The following ST6GALNAC3 variants were observed in gnomAD, a reference collection of about 807,000 sequenced individuals.
ST6GALNAC3 encodes the protein ST6 N-acetylgalactosaminide alpha-2,6-sialyltransferase 3.
ST6GALNAC3 carries 25 observed loss-of-function variants against 32.7 expected under a neutral mutation model. The observed-to-expected ratio is 0.76, with a 90% confidence interval of 0.56 to 1.07. The LOEUF (loss-of-function observed/expected upper bound fraction) is 1.07. Ranked by LOEUF, ST6GALNAC3 falls within the 50% of genes least tolerant of loss-of-function variation. ST6GALNAC3 has a pLI of 0.00. For missense variants in ST6GALNAC3, 355 were observed against 382.4 expected, an observed-to-expected ratio of 0.93 and a Z score of 0.60; for synonymous variants, 129 against 133.1, an observed-to-expected ratio of 0.97 and a Z score of 0.21.
intron 1 of ST6GALNAC3, 29 bp from the exon 2 acceptor site, chr1:76,313,776 C>T (rs766410589): frequency 1.2e-6 from 2 of 1,609,354 alleles, no homozygotes; most frequent in African/African-American, 2.7e-5. Flanking sequence ...GTCATTCGTT[C>T]TTCTTTTTGT....
At chr1:76,258,824 A>G (rs1239802177) in intron 1 of ST6GALNAC3, among the ~76,000 whole-genome samples, 2 of 152,192 alleles carry the variant, frequency 1.3e-5, no homozygotes, top group African/African-American at 4.8e-5. Context: ...AGAATGCATC[A>G]TGTAATTGAA....
chr1:76,476,450 C>A (rs1430149646), intron 3 of ST6GALNAC3, among the ~76,000 whole-genome samples: 1 of 152,038 alleles, frequency 6.6e-6, no homozygotes, highest in African/African-American at 2.4e-5. Flanking sequence ...GTGCTTATGC[C>A]AGTAAGTATT....
chr1:76,247,975 G>A (rs1230194339), intron 1 of ST6GALNAC3, among the ~76,000 whole-genome samples: 1 of 149,448 alleles, frequency 6.7e-6, no homozygotes, highest in African/African-American at 2.6e-5. Flanking sequence ...GGAATCTCCT[G>A]ATCTGCGGAT....
intron 3 of ST6GALNAC3, among the ~76,000 whole-genome samples, chr1:76,620,358 G>A (rs1411309194): frequency 1.3e-5 from 2 of 152,068 alleles, no homozygotes; most frequent in Non-Finnish European, 2.9e-5. Context: ...AAAAAGCAGT[G>A]GGGAGTTTAG....
chr1:76,630,450 CT>C lies in ST6GALNAC3; in HGVS notation c.*1645del, dbSNP rs1177251012. 1 of 984,984 alleles carries C rather than the reference CT, an allele frequency of 1.0e-6. No individual in the cohort carries two copies. Among genetic ancestry groups the C allele is most frequent in the Non-Finnish European group, 1.2e-6 (1 of 829,806 alleles). The allele number at this position is 984,984 out of a possible 1,614,324, so 61.0% of individuals were successfully genotyped here. A position where few individuals can be genotyped will look rare whatever the true frequency, so the allele number is the denominator to read the frequency against. On this transcript the variant is annotated 3_prime_UTR_variant, in exon 5 of 5. Coordinates refer to ENST00000328299, the MANE Select transcript of ST6GALNAC3 (RefSeq NM_152996.4). ...TTGAGACAATTCTATTTTTCATATACTCGTTGCTCATTAAATAGTAAAGGGT... is the reference window on the plus strand; with the variant it reads ...TTGAGACAATTCTATTTTTCATATACCGTTGCTCATTAAATAGTAAAGGGT...
chr1:76,551,180 C>T (rs1664606698), intron 3 of ST6GALNAC3, among the ~76,000 whole-genome samples: 1 of 152,038 alleles, frequency 6.6e-6, no homozygotes, highest in African/African-American at 2.4e-5. Flanking sequence ...TCACTTCTAC[C>T]CTTTCTTCTT....
intron 2 of ST6GALNAC3, among the ~76,000 whole-genome samples, chr1:76,349,092 T>TA (rs1422706671): frequency 1.3e-5 from 2 of 152,140 alleles, no homozygotes; most frequent in Admixed American, 6.5e-5. Flanking sequence ...GCCTTAATTT[T>TA]AAAAAAATCA....
At chr1:76,366,603 A>G (rs2101066556) in intron 2 of ST6GALNAC3, among the ~76,000 whole-genome samples, 1 of 152,354 alleles carries the variant, frequency 6.6e-6, no homozygotes, top group East Asian at 1.9e-4. Context: ...ACGATTAAAC[A>G]GAAAGTTCAC....
intron 1 of ST6GALNAC3, among the ~76,000 whole-genome samples, chr1:76,287,448 C>T (rs1232920569): frequency 6.7e-6 from 1 of 150,230 alleles, no homozygotes; most frequent in Admixed American, 6.6e-5. Context: ...GCACAAATCC[C>T]CTCAGAAATG....
intron 3 of ST6GALNAC3, among the ~76,000 whole-genome samples, chr1:76,565,352 G>A (rs779742750): frequency 1.4e-4 from 22 of 152,132 alleles, no homozygotes; most frequent in Admixed American, 7.2e-4. Flanking sequence ...CTACCACTGT[G>A]ATCTCCTCCC....
chr1:76,624,945 C>T (rs548843378), intron 3 of ST6GALNAC3, among the ~76,000 whole-genome samples: 1 of 151,916 alleles, frequency 6.6e-6, no homozygotes, highest in Admixed American at 6.6e-5. Context: ...ATGCATAGAG[C>T]ATGGTACCGC....
chr1:76,544,970 G>A (rs369983707), intron 3 of ST6GALNAC3, among the ~76,000 whole-genome samples: 3 of 152,188 alleles, frequency 2.0e-5, no homozygotes, highest in Non-Finnish European at 4.4e-5. Context: ...TTAGCTGCAT[G>A]AAATCCTCTC....
intron 2 of ST6GALNAC3, among the ~76,000 whole-genome samples, chr1:76,378,410 C>T (rs914561390): frequency 1.3e-5 from 2 of 151,978 alleles, no homozygotes; most frequent in African/African-American, 4.8e-5. Flanking sequence ...GCCTGGAATC[C>T]CAGCACTTTG....
At chr1:76,525,715 C>T (rs1211462233) in intron 3 of ST6GALNAC3, among the ~76,000 whole-genome samples, 5 of 144,196 alleles carry the variant, frequency 3.5e-5, no homozygotes, top group Admixed American at 2.9e-4. Context: ...CATTAAACAA[C>T]TATATATATG....
At chr1:76,608,326 A>T (rs899105206) in intron 3 of ST6GALNAC3, among the ~76,000 whole-genome samples, 3 of 152,226 alleles carry the variant, frequency 2.0e-5, no homozygotes, top group African/African-American at 7.2e-5. Flanking sequence ...TATGACAAGT[A>T]TTACCCTAGA....
chr1:76,135,218 C>G (rs919860217), intron 1 of ST6GALNAC3, among the ~76,000 whole-genome samples: 11 of 152,066 alleles, frequency 7.2e-5, no homozygotes, highest in African/African-American at 2.7e-4. Context: ...GCCCTCCATA[C>G]AAATGTAGCA....
At chr1:76,137,218 G>A (rs1650000735) in intron 1 of ST6GALNAC3, among the ~76,000 whole-genome samples, 1 of 152,194 alleles carries the variant, frequency 6.6e-6, no homozygotes, top group East Asian at 1.9e-4. Flanking sequence ...ATGTGGAGTT[G>A]GTTCTTCCTA....
chr1:76,600,622 T>C (rs2100626315), intron 3 of ST6GALNAC3, among the ~76,000 whole-genome samples: 1 of 152,322 alleles, frequency 6.6e-6, no homozygotes, highest in East Asian at 1.9e-4. Context: ...ACCCTGTGGT[T>C]ATGTCACTGT....
intron 3 of ST6GALNAC3, among the ~76,000 whole-genome samples, chr1:76,564,850 T>C (rs937461236): frequency 6.6e-6 from 1 of 152,190 alleles, no homozygotes; most frequent in Non-Finnish European, 1.5e-5. Context: ...CCCAAAGTGC[T>C]GGGATTACAG....
Sources: gnomAD v4.1 joint callset for allele counts (sites outside exome capture counted in the v4.1 genomes callset) on GRCh38, gnomAD v4.1.1 for gene constraint, MANE v1.5 for transcripts, NCBI Gene and HGNC (gene_info 2026-07-23, HGNC 2026-07-21) for gene names.